ARIH1: variants seen among roughly 807,000 people sequenced by gnomAD.
ARIH1 encodes E3 ubiquitin-protein ligase ARIH1.
Under a neutral mutation model 85.0 loss-of-function variants are expected in ARIH1, and 8 were observed. The observed-to-expected ratio is 0.09, with a 90% confidence interval of 0.06 to 0.17. The LOEUF (loss-of-function observed/expected upper bound fraction) is 0.17. Among genes scored for constraint, ARIH1 ranks in the 10% least tolerant of loss-of-function variants. The pLI is 1.00. For missense variants in ARIH1, 311 were observed against 718.1 expected (o/e 0.43, Z 6.48); for synonymous variants, 238 against 253.6 (o/e 0.94, Z 0.59).
intron 2 of ARIH1, among the ~76,000 whole-genome samples, chr15:72,536,620 T>A (rs1297184191): frequency 6.6e-6 from 1 of 152,194 alleles, no homozygotes; most frequent in Non-Finnish European, 1.5e-5. Flanking sequence ...CTTTGGAAGA[T>A]GGCATAGTTT....
Position 72,587,067 on chromosome 15 carries a change from A to C in ARIH1, c.*3775A>C. The C allele has an allele frequency of 2.5e-6, 1 of 402,546 alleles. No individual in the cohort carries two copies. Among genetic ancestry groups the C allele is most frequent in the South Asian group, 1.8e-5 (1 of 54,288 alleles). The allele number at this position is 402,546 out of a possible 1,614,324, so 24.9% of individuals were successfully genotyped here. Reference sequence around the variant, plus strand: ...TAATTTACTCTTATTTGGATCTGTAATTATGGGAGTTTATCACTTTTCCTC... The same window carrying C: ...TAATTTACTCTTATTTGGATCTGTACTTATGGGAGTTTATCACTTTTCCTC... On this transcript the variant is annotated 3_prime_UTR_variant, in exon 14 of 14. Coordinates refer to ENST00000379887, the MANE Select transcript of ARIH1 (RefSeq NM_005744.5).
intron 1 of ARIH1, among the ~76,000 whole-genome samples, chr15:72,510,204 A>T (rs1185420848): frequency 6.6e-6 from 1 of 152,172 alleles, no homozygotes. Context: ...CTAGGTACAA[A>T]TTCTTCATCA....
At chr15:72,559,424 C>T (rs1344355428) in intron 5 of ARIH1, among the ~76,000 whole-genome samples, 1 of 152,008 alleles carries the variant, frequency 6.6e-6, no homozygotes, top group African/African-American at 2.4e-5. Flanking sequence ...TGCCTGCCAC[C>T]ATGCTCGGCT....
At chr15:72,538,289 G>A (rs757711325) in intron 2 of ARIH1, among the ~76,000 whole-genome samples, 8 of 152,168 alleles carry the variant, frequency 5.3e-5, no homozygotes, top group African/African-American at 1.4e-4. Context: ...GTTTGAACCC[G>A]GGAGGTGGAA....
intron 5 of ARIH1, among the ~76,000 whole-genome samples, chr15:72,557,492 G>A (rs1427632454): frequency 6.6e-6 from 1 of 152,078 alleles, no homozygotes; most frequent in African/African-American, 2.4e-5. Flanking sequence ...CTCTCATTCT[G>A]TAGGTTGTCT....
intron 1 of ARIH1, among the ~76,000 whole-genome samples, chr15:72,500,300 G>A (rs1273912117): frequency 2.0e-5 from 3 of 152,082 alleles, no homozygotes; most frequent in Admixed American, 6.6e-5. Context: ...TCACTGTGTT[G>A]GCCAGGATGA....
chr15:72,498,242 TG>T (rs2063887897), intron 1 of ARIH1, among the ~76,000 whole-genome samples: 1 of 45,888 alleles, frequency 2.2e-5, no homozygotes, highest in East Asian at 2.0e-3. Context: ...GCAACCAAAA[TG>T]TTTTTTTTTT....
At chr15:72,544,725 A>C in intron 2 of ARIH1, 95 bp from the exon 3 acceptor site, 1 of 1,112,992 alleles carries the variant, frequency 9.0e-7, no homozygotes, top group Non-Finnish European at 1.3e-6. Flanking sequence ...TTTTAATTCA[A>C]CTTCTTGCTT....
At chr15:72,571,554 A>G (rs140763975) in intron 10 of ARIH1, among the ~76,000 whole-genome samples, 101 of 152,292 alleles carry the variant, frequency 6.6e-4, no homozygotes, top group African/African-American at 2.4e-3. Context: ...TATATCATGC[A>G]GTTTTAAATG....
At chr15:72,556,416 A>G (rs1479203775) in intron 5 of ARIH1, among the ~76,000 whole-genome samples, 2 of 152,234 alleles carry the variant, frequency 1.3e-5, no homozygotes, top group African/African-American at 4.8e-5. Context: ...CTCAATAAGT[A>G]GAAAGAGCTG....
At chr15:72,563,314 C>A in intron 6 of ARIH1, 80 bp from the exon 7 acceptor site, 1 of 1,261,034 alleles carries the variant, frequency 7.9e-7, no homozygotes, top group Non-Finnish European at 1.2e-6. Flanking sequence ...CCGCCTTGGC[C>A]TCCCTAAGTT....
chr15:72,498,243 G>GT (rs11335721), intron 1 of ARIH1, among the ~76,000 whole-genome samples: 129 of 151,208 alleles, frequency 8.5e-4, no homozygotes, highest in African/African-American at 2.4e-3. Context: ...CAACCAAAAT[G>GT]TTTTTTTTTT....
At chr15:72,535,867 G>C (rs2064079739) in intron 2 of ARIH1, among the ~76,000 whole-genome samples, 2 of 152,058 alleles carry the variant, frequency 1.3e-5, no homozygotes, top group African/African-American at 4.8e-5. Context: ...AAAAATAATG[G>C]TTCTTGTCGT....
intron 1 of ARIH1, among the ~76,000 whole-genome samples, chr15:72,476,878 A>C (rs1031310866): frequency 8.5e-5 from 13 of 152,218 alleles, no homozygotes; most frequent in African/African-American, 3.1e-4. Flanking sequence ...AAATACTCTG[A>C]ACAACCTTCT....
At chr15:72,519,475 G>GTTTTT (rs150165121) in intron 2 of ARIH1, among the ~76,000 whole-genome samples, 21 of 62,568 alleles carry the variant, frequency 3.4e-4, no homozygotes, top group African/African-American at 1.1e-3. Flanking sequence ...TGTTTTTTTT[G>GTTTTT]TTTTTTTTTT....
chr15:72,566,492 A>C (rs2064221697), intron 7 of ARIH1, 71 bp from the exon 8 acceptor site: 7 of 1,252,642 alleles, frequency 5.6e-6, no homozygotes, highest in East Asian at 2.3e-5. Flanking sequence ...TAAGGCATGA[A>C]ATGATTGGCT....
chr15:72,507,728 GA>G (rs1260134719), intron 1 of ARIH1, among the ~76,000 whole-genome samples: 1 of 152,160 alleles, frequency 6.6e-6, no homozygotes, highest in African/African-American at 2.4e-5. Context: ...CTAAAATTGA[GA>G]ACTACTTGAT....
chr15:72,511,336 C>T lies in ARIH1; in HGVS notation c.376-6731C>T, dbSNP rs1440450252. Among the ~76,000 whole-genome samples, 2 of 151,744 alleles carry T rather than the reference C, an allele frequency of 1.3e-5. 1 individual carries two copies. Among genetic ancestry groups the T allele is most frequent in the Admixed American group, 1.3e-4 (2 of 15,230 alleles). On this transcript the variant is annotated intron_variant, in intron 1 of 13. Coordinates refer to ENST00000379887, the MANE Select transcript of ARIH1 (RefSeq NM_005744.5). The stretch of plus-strand genomic sequence containing the variant: ...TTCTTTTTTGAGATGGAGTTTTGCT[C>T]TTGTTGTCCAGGCTGGAGTGCAGTG...
intron 1 of ARIH1, among the ~76,000 whole-genome samples, chr15:72,489,395 G>T (rs2140395397): frequency 6.6e-6 from 1 of 152,156 alleles, no homozygotes; most frequent in Admixed American, 6.6e-5. Context: ...GATGTTGCAG[G>T]GCAATGAGGA....
Sources: gnomAD v4.1 joint callset for allele counts (sites outside exome capture counted in the v4.1 genomes callset) on GRCh38, gnomAD v4.1.1 for gene constraint, MANE v1.5 for transcripts, NCBI Gene and HGNC (gene_info 2026-07-23, HGNC 2026-07-21) for gene names.